DOCK1: variants seen among roughly 807,000 people sequenced by gnomAD.
DOCK1 encodes dedicator of cytokinesis protein 1.
DOCK1 carries 138 observed loss-of-function variants against 262.7 expected under a neutral mutation model. The observed-to-expected ratio is 0.53, with a 90% CI of 0.46 to 0.61. The LOEUF (loss-of-function observed/expected upper bound fraction) is 0.61, where lower values mean the gene tolerates loss of function less well. Among genes scored for constraint, DOCK1 ranks in the 20% least tolerant of loss-of-function variants. DOCK1 has a pLI of 0.00. For missense variants in DOCK1, 1,908 were observed against 2,370.7 expected (o/e 0.80, Z 4.05); for synonymous variants, 866 against 867.4 (o/e 1.00, Z 0.03).
At chr10:127,426,175 C>T (rs867884106) in intron 47 of DOCK1, among the ~76,000 whole-genome samples, 164 bp downstream of exon 47, 5 of 152,146 alleles carry the variant, frequency 3.3e-5, no homozygotes, top group South Asian at 2.1e-4. Context: ...TCTTGTCTAC[C>T]GGCAACTCAG....
At position 127,206,497 on chromosome 10, in the gene DOCK1, G is replaced by A. The variant is rs117192544; in HGVS notation, c.2848-41511G>A. 7.1e-3 allele frequency among the ~76,000 whole-genome samples: 1,083 copies of A among 152,184 alleles called. 10 individuals are homozygous for A. The highest frequency in any genetic ancestry group is 0.012 in the Non-Finnish European group (824 of 68,014). On this transcript the variant is annotated intron_variant, in intron 27 of 51. Transcript: ENST00000623213. ...ATAAGAATATGCATTTACTTAATAC[G>A]CTATCAATGTACAGAATTGTTTGTT... is the stretch of plus-strand genomic sequence containing the variant.
intron 29 of DOCK1, among the ~76,000 whole-genome samples, chr10:127,329,566 C>T (rs1289819937): frequency 2.0e-5 from 3 of 152,038 alleles, no homozygotes; most frequent in African/African-American, 4.8e-5. Flanking sequence ...TCTGGGGCGA[C>T]CCAAGACCCT....
chr10:127,433,208 A>G (rs2069420600), intron 47 of DOCK1, 75 bp from the exon 48 acceptor site: 2 of 1,580,996 alleles, frequency 1.3e-6, no homozygotes, highest in East Asian at 2.2e-5. Flanking sequence ...AGCTAAGGCC[A>G]CTTTATCTCA....
chr10:127,395,351 G>A (rs1257107111), intron 38 of DOCK1, among the ~76,000 whole-genome samples: 1 of 152,064 alleles, frequency 6.6e-6, no homozygotes, highest in Non-Finnish European at 1.5e-5. Flanking sequence ...AGGTGTGGCG[G>A]CGCTCTTCCG....
chr10:126,920,217 G>A (rs542753780), intron 1 of DOCK1, among the ~76,000 whole-genome samples: 8 of 152,332 alleles, frequency 5.3e-5, no homozygotes, highest in Non-Finnish European at 7.3e-5. Flanking sequence ...GGATATCACT[G>A]TTATTTTAAT....
chr10:126,998,530 T>G (rs1027165348), intron 8 of DOCK1: 16 of 304,412 alleles, frequency 5.3e-5, no homozygotes, highest in African/African-American at 1.9e-4. Flanking sequence ...AGCTGAAGAT[T>G]GAAGTAATAC....
intron 12 of DOCK1, among the ~76,000 whole-genome samples, chr10:127,017,512 C>CAG (rs1345354457): frequency 2.6e-5 from 4 of 150,984 alleles, no homozygotes; most frequent in African/African-American, 9.8e-5. Flanking sequence ...CACACACAGA[C>CAG]ACACACGTGT....
At chr10:127,408,276 G>T (rs1156396949) in intron 40 of DOCK1, among the ~76,000 whole-genome samples, 1 of 152,168 alleles carries the variant, frequency 6.6e-6, no homozygotes, top group African/African-American at 2.4e-5. Flanking sequence ...ATTTATGGAG[G>T]TGACAAAAGT....
intron 29 of DOCK1, among the ~76,000 whole-genome samples, chr10:127,281,196 G>T (rs1274474760): frequency 6.6e-6 from 1 of 152,158 alleles, no homozygotes; most frequent in Non-Finnish European, 1.5e-5. Flanking sequence ...CCTCCAAGAA[G>T]CAAACTCATA....
At chr10:126,978,404 A>G (rs949516872) in intron 3 of DOCK1, among the ~76,000 whole-genome samples, 4 of 152,192 alleles carry the variant, frequency 2.6e-5, no homozygotes, top group African/African-American at 9.7e-5. Context: ...CCTCTTGCAT[A>G]TAACTGTTTT....
At chr10:127,126,572 T>C (rs2049976656) in intron 26 of DOCK1, among the ~76,000 whole-genome samples, 2 of 151,784 alleles carry the variant, frequency 1.3e-5, no homozygotes, top group Non-Finnish European at 2.9e-5. Context: ...CTCTAGAAAA[T>C]GAAAGAAAAA....
In DOCK1 at chr10:127,155,831, ACAGTGAAGT is replaced by A. The variant is rs2052990037; in HGVS notation, c.2847+28073_2847+28081del. Among the ~76,000 whole-genome samples the A allele has an allele frequency of 5.3e-5, 8 of 152,264 alleles. No homozygotes were observed. In the South Asian group the frequency reaches 1.7e-3, roughly 32 times the overall value. On this transcript the variant is annotated intron_variant, in intron 27 of 51. Coordinates refer to ENST00000623213, the MANE Select transcript of DOCK1 (RefSeq NM_001290223.2). ...TCAGTGCTGACCAAGGTCATTTTGC[ACAGTGAAGT>A]CAGTGCCATCCTTGAGCTCAGGTGC...
chr10:127,288,203 T>G lies in DOCK1; in HGVS notation c.3044+30774T>G, dbSNP rs143742055. ...TTGCTGAACAAATTCTTCCATCTTG[T>G]TCCACTAGGAGTCTTTTCAGGTGGA... On this transcript the variant is annotated intron_variant, in intron 29 of 51. Transcript: ENST00000623213. Among the ~76,000 whole-genome samples the G allele has an allele frequency of 3.2e-3, 491 of 152,346 alleles. 1 individual carries two copies. Among genetic ancestry groups the G allele is most frequent in the Middle Eastern group, 0.01 (3 of 294 alleles).
At chr10:127,451,179 G>T (rs1158330659) in intron 51 of DOCK1, among the ~76,000 whole-genome samples, 153 bp from the exon 52 acceptor site, 2 of 152,150 alleles carry the variant, frequency 1.3e-5, no homozygotes. Context: ...TAGTAGACCT[G>T]CCAGCCCCAA....
In DOCK1 at chr10:127,436,375, G is replaced by A. The variant is rs542406542; in HGVS notation, c.5061-2652G>A. Among the ~76,000 whole-genome samples the A allele has an allele frequency of 3.3e-5, 5 of 152,236 alleles. No homozygotes were observed. The South Asian group carries it at 6.2e-4, about 19-fold the overall frequency. The stretch of plus-strand genomic sequence containing the variant: ...CTACAAAAAAATATAAAAATTAGCT[G>A]GGTGTGGTGGTGCATGCCTGTAGTC... On this transcript the variant is annotated intron_variant, in intron 48 of 51. Transcript: ENST00000623213.
chr10:126,926,207 T>C (rs2134144851), intron 1 of DOCK1, among the ~76,000 whole-genome samples: 1 of 152,130 alleles, frequency 6.6e-6, no homozygotes, highest in South Asian at 2.1e-4. Flanking sequence ...ATTGATCCGG[T>C]GACAGAGCCA....
At chr10:126,978,013 T>A in intron 3 of DOCK1, 25 bp downstream of exon 3, 1 of 1,608,706 alleles carries the variant, frequency 6.2e-7, no homozygotes, top group South Asian at 1.1e-5. Context: ...TTAAACACAG[T>A]GCATGTCTCT....
intron 38 of DOCK1, among the ~76,000 whole-genome samples, chr10:127,394,053 G>GA (rs1009601522): frequency 2.0e-5 from 3 of 151,938 alleles, no homozygotes; most frequent in Non-Finnish European, 4.4e-5. Context: ...AGTAATTTTC[G>GA]ATAAAGCCCT....
intron 27 of DOCK1, among the ~76,000 whole-genome samples, chr10:127,204,168 T>A (rs573386114): frequency 7.2e-5 from 11 of 152,304 alleles, no homozygotes; most frequent in African/African-American, 2.6e-4. Context: ...ATCTTAAGAT[T>A]CCAGAATATT....
Sources: gnomAD v4.1 joint callset for allele counts (sites outside exome capture counted in the v4.1 genomes callset) on GRCh38, gnomAD v4.1.1 for gene constraint, MANE v1.5 for transcripts, NCBI Gene and HGNC (gene_info 2026-07-23, HGNC 2026-07-21) for gene names.